The following TIAM1 variants were observed in gnomAD, a reference collection of about 807,000 sequenced individuals.
TIAM1 encodes the protein rho guanine nucleotide exchange factor TIAM1.
A neutral mutation model predicts 163.5 loss-of-function variants in TIAM1; 65 were observed. The observed-to-expected ratio is 0.40, with a 90% CI of 0.33 to 0.49. The LOEUF (loss-of-function observed/expected upper bound fraction) is 0.49, where lower values mean the gene tolerates loss of function less well. Among genes scored for constraint, TIAM1 ranks in the 20% least tolerant of loss-of-function variants. The pLI is 0.77. For synonymous variants in TIAM1, 833 were observed against 810.1 expected (o/e 1.03, Z -0.48); for missense variants, 1,789 against 2,044.7 (o/e 0.87, Z 2.41).
intron 1 of TIAM1, among the ~76,000 whole-genome samples, chr21:31,497,426 G>A (rs1210800511): frequency 6.6e-6 from 1 of 152,086 alleles, no homozygotes; most frequent in East Asian, 1.9e-4. Context: ...AAAATGAGAT[G>A]TATGGAATAT....
At chr21:31,512,691 C>G (rs2047251532) in intron 1 of TIAM1, among the ~76,000 whole-genome samples, 1 of 147,766 alleles carries the variant, frequency 6.8e-6, no homozygotes, top group Non-Finnish European at 1.5e-5. Context: ...GATCTTGGCT[C>G]ACCGCAACCT....
intron 2 of TIAM1, among the ~76,000 whole-genome samples, chr21:31,333,461 A>G (rs1221855904): frequency 6.6e-6 from 1 of 152,024 alleles, no homozygotes. Flanking sequence ...CTTTTGCGAC[A>G]GGGTCTGGCT....
intron 11 of TIAM1, among the ~76,000 whole-genome samples, chr21:31,209,182 T>C (rs901625355): frequency 1.3e-5 from 2 of 152,208 alleles, no homozygotes; most frequent in African/African-American, 4.8e-5. Context: ...GCTAAGGCCC[T>C]CTGAGCTTCA....
At chr21:31,474,376 C>T (rs1283814161) in intron 1 of TIAM1, among the ~76,000 whole-genome samples, 1 of 152,186 alleles carries the variant, frequency 6.6e-6, no homozygotes, top group East Asian at 1.9e-4. Flanking sequence ...GTTCCCTCAA[C>T]ATTTAGCCAT....
In TIAM1 at chr21:31,141,479, T is replaced by C. The variant is rs2146274095; in HGVS notation, c.3501A>G (p.Ala1167=). 6.2e-7 allele frequency: 1 copy of C among 1,614,148 alleles called. No homozygotes were observed. The highest frequency in any genetic ancestry group is 8.5e-7 in the Non-Finnish European group (1 of 1,180,026). ...GCTTCGGGTTCTGGGCATCCAAGAA[T>C]GCCTTGAAAGCCGTGTCTGTCTTGG... is the stretch of plus-strand genomic sequence containing the variant. ...VKAKTDTAFK[A]FLDAQNPKQQ... is the part of the protein sequence containing the mutation. Residue 1167 remains alanine, a synonymous_variant, in exon 21 of 28, where the codon GCA becomes GCG. Coordinates refer to ENST00000541036, the MANE Select transcript of TIAM1 (RefSeq NM_001353694.2). This position sits in a 1 kb window ranked among gnomAD's most constrained non-coding sequence, Gnocchi z 4.7.
rs75117725 is a variant in TIAM1, at chr21:31,148,962, C to CT, written c.3367-1960dup. 7.9e-4 allele frequency among the ~76,000 whole-genome samples: 25 copies of CT among 31,634 alleles called. No homozygotes were observed. The East Asian group carries it at 0.023, about 29-fold the overall frequency. 20.8% of individuals were successfully genotyped at this position (31,634 alleles called of 152,430 possible). On this transcript the variant is annotated intron_variant, in intron 19 of 27. Transcript: ENST00000541036. Reference sequence around the variant, plus strand: ...AAGATTTTAACAAGTTTTTCTTTTTCTTTTTTTTTTGGTCAAATATACAAT... The same window carrying CT: ...AAGATTTTAACAAGTTTTTCTTTTTCTTTTTTTTTTTGGTCAAATATACAAT...
At chr21:31,452,617 AT>A in intron 2 of TIAM1, 1 of 528,018 alleles carries the variant, frequency 1.9e-6, no homozygotes, top group South Asian at 1.8e-5. Flanking sequence ...GCACCAAATT[AT>A]AAAAGACTTA....
chr21:31,179,170 C>A (rs1025561029), intron 15 of TIAM1, among the ~76,000 whole-genome samples: 1 of 151,504 alleles, frequency 6.6e-6, no homozygotes, highest in East Asian at 2.0e-4. Context: ...GCAGATCACC[C>A]GATTTCGGGA....
At chr21:31,324,727 G>A (rs1450074186) in intron 2 of TIAM1, among the ~76,000 whole-genome samples, 1 of 152,232 alleles carries the variant, frequency 6.6e-6, no homozygotes, top group Non-Finnish European at 1.5e-5. Context: ...CAAAAGCAAA[G>A]AGATTAACTG....
intron 16 of TIAM1, among the ~76,000 whole-genome samples, chr21:31,158,213 AC>A (rs1174344788): frequency 2.0e-5 from 3 of 152,106 alleles, no homozygotes; most frequent in African/African-American, 7.2e-5. Context: ...CCTAGGCCCA[AC>A]CTCACCCTCA....
chr21:31,185,546 ATAT>A (rs2085255567), intron 14 of TIAM1, among the ~76,000 whole-genome samples: 1 of 130,028 alleles, frequency 7.7e-6, no homozygotes, highest in African/African-American at 3.6e-5. Context: ...ATGCCATTAT[ATAT>A]TATATATTAA....
chr21:31,409,112 C>CTT lies in TIAM1; in HGVS notation c.-369+54869_-369+54870dup, dbSNP rs200352360. Among the ~76,000 whole-genome samples the CTT allele has an allele frequency of 2.3e-3, 319 of 141,132 alleles. 3 individuals carry two copies. The highest frequency in any genetic ancestry group is 8.1e-3 in the African/African-American group (308 of 38,056). The allele number at this position is 141,132 out of a possible 152,430, so 92.6% of individuals were successfully genotyped here. A position where few individuals can be genotyped will look rare whatever the true frequency, so the allele number is the denominator to read the frequency against. On this transcript the variant is annotated intron_variant, in intron 2 of 28. Transcript: ENST00000286827. ...GCAGCAACTCAGACCTTCTCCTTTT[C>CTT]TTTTTTTTTTTTTTTTGAGACGAAG... is the stretch of plus-strand genomic sequence containing the variant.
At chr21:31,140,696 C>G (rs2082808604) in intron 22 of TIAM1, among the ~76,000 whole-genome samples, 1 of 152,212 alleles carries the variant, frequency 6.6e-6, no homozygotes, top group Admixed American at 6.5e-5. Flanking sequence ...GTAGATTTAA[C>G]TGATTCAGAG....
intron 10 of TIAM1, chr21:31,212,767 A>AT (rs561368307): frequency 0.12 from 17,014 of 142,378 alleles, 1,082 homozygotes; most frequent in East Asian, 0.24. Flanking sequence ...TGTCCAGCTA[A>AT]TTTTTTTTTT....
At chr21:31,130,760 T>C (rs2082386260) in intron 24 of TIAM1, 130 bp downstream of exon 24, 2 of 816,218 alleles carry the variant, frequency 2.5e-6, no homozygotes, top group Non-Finnish European at 3.9e-6. Flanking sequence ...CAAGCATCCT[T>C]AGCAATGCTT....
intron 2 of TIAM1, among the ~76,000 whole-genome samples, chr21:31,357,611 A>C (rs916381539): frequency 6.6e-6 from 1 of 152,042 alleles, no homozygotes; most frequent in Non-Finnish European, 1.5e-5. Flanking sequence ...AACTATGAAA[A>C]TTTGCTGCTT....
intron 2 of TIAM1, among the ~76,000 whole-genome samples, chr21:31,462,780 T>C (rs2045380241): frequency 2.0e-5 from 3 of 151,602 alleles, no homozygotes; most frequent in South Asian, 4.2e-4. Context: ...TCTCACTCTA[T>C]TGACCAGGCT....
rs1401438805 is a variant in TIAM1, at chr21:31,337,243, G to A, written c.-189+2000C>T. Among the ~76,000 whole-genome samples the A allele has an allele frequency of 4.6e-5, 7 of 152,272 alleles. No individual in the cohort carries two copies. The South Asian group carries it at 1.5e-3, about 32-fold the overall frequency. On this transcript the variant is annotated intron_variant, in intron 2 of 27. Coordinates refer to ENST00000541036, the MANE Select transcript of TIAM1 (RefSeq NM_001353694.2). ...GCCCTGGGGGCACTCTAGACCCAGG[G>A]CAAGATAAGACCTCAGCCTTGGCCT...
chr21:31,219,470 G>C (rs2087421970), intron 8 of TIAM1, among the ~76,000 whole-genome samples: 1 of 152,230 alleles, frequency 6.6e-6, no homozygotes, highest in East Asian at 1.9e-4. Flanking sequence ...TGCAGGGGAT[G>C]AGGCACTGTT....
Sources: allele counts gnomAD v4.1 joint callset (sites outside exome capture counted in the v4.1 genomes callset), GRCh38; gene constraint gnomAD v4.1.1; non-coding constraint Gnocchi (gnomAD v3.1); transcripts MANE v1.5; gene names NCBI Gene and HGNC (gene_info 2026-07-23, HGNC 2026-07-21).